The following NRXN1 variants were observed in gnomAD, a reference collection of about 807,000 sequenced individuals.
NRXN1 encodes neurexin-1.
A neutral mutation model predicts 150.9 loss-of-function variants in NRXN1; 39 were observed. The observed-to-expected ratio is 0.26, with a 90% CI of 0.20 to 0.34. The LOEUF is 0.34. NRXN1 is among the 10% of genes least tolerant of loss of function. The pLI, the probability that NRXN1 is intolerant of heterozygous loss-of-function variation, is 1.00. For missense variants in NRXN1, 1,815 were observed against 1,949.9 expected (o/e 0.93, Z 1.30); for synonymous variants, 924 against 757.0 (o/e 1.22, Z -3.62).
chr2:50,412,118 T>A (rs1269140537), intron 17 of NRXN1, among the ~76,000 whole-genome samples: 1 of 152,062 alleles, frequency 6.6e-6, no homozygotes, highest in Non-Finnish European at 1.5e-5. Context: ...GAAGGCAGCA[T>A]ACTCATTAAG....
intron 15 of NRXN1, among the ~76,000 whole-genome samples, chr2:50,475,941 G>C (rs1315646780): frequency 1.3e-5 from 2 of 151,910 alleles, no homozygotes; most frequent in Non-Finnish European, 2.9e-5. Context: ...TGTGAAGGAG[G>C]ATATACTTAA....
intron 18 of NRXN1, among the ~76,000 whole-genome samples, chr2:50,166,309 G>A (rs769640687): frequency 6.9e-6 from 1 of 144,322 alleles, no homozygotes; most frequent in African/African-American, 2.9e-5. Flanking sequence ...GTGTGTGTGT[G>A]TGTGTGTGTG....
chr2:50,189,734 C>T (rs1267841088), intron 18 of NRXN1, among the ~76,000 whole-genome samples: 2 of 152,008 alleles, frequency 1.3e-5, no homozygotes, highest in Non-Finnish European at 2.9e-5. Context: ...TCAAACTACA[C>T]CGAAGCTTAA....
At chr2:50,830,992 A>C (rs756630519) in intron 5 of NRXN1, among the ~76,000 whole-genome samples, 35 of 152,094 alleles carry the variant, frequency 2.3e-4, no homozygotes, top group Non-Finnish European at 3.8e-4. Context: ...TATGTTTATG[A>C]GGTACATGAA....
chr2:50,066,955 C>T (rs1464326216), intron 19 of NRXN1, among the ~76,000 whole-genome samples: 4 of 152,180 alleles, frequency 2.6e-5, no homozygotes, highest in African/African-American at 9.7e-5. Context: ...TGTAATGCTA[C>T]AGGAAGAGGG....
intron 21 of NRXN1, among the ~76,000 whole-genome samples, chr2:49,955,014 AAAT>A (rs1674675563): frequency 6.6e-6 from 1 of 152,190 alleles, no homozygotes; most frequent in Non-Finnish European, 1.5e-5. Flanking sequence ...ATGACTTGAA[AAAT>A]AATTGTTATG....
At chr2:50,394,098 A>G (rs2081911332) in intron 17 of NRXN1, among the ~76,000 whole-genome samples, 1 of 152,094 alleles carries the variant, frequency 6.6e-6, no homozygotes, top group Non-Finnish European at 1.5e-5. Flanking sequence ...ATTCTCTGCT[A>G]GATTCTGTTA....
intron 19 of NRXN1, among the ~76,000 whole-genome samples, chr2:50,065,819 C>T (rs1038165958): frequency 1.2e-4 from 18 of 152,136 alleles, no homozygotes; most frequent in African/African-American, 4.3e-4. Flanking sequence ...CGTTGAACCT[C>T]TCCAGAAACA....
chr2:50,483,307 A>G (rs1314067526), intron 15 of NRXN1, among the ~76,000 whole-genome samples: 1 of 152,150 alleles, frequency 6.6e-6, no homozygotes, highest in Non-Finnish European at 1.5e-5. Flanking sequence ...AAACTCATGA[A>G]TAATCCACCC....
Position 50,501,201 on chromosome 2 carries a change from C to T in NRXN1, c.2498-3487G>A, listed in dbSNP as rs138930549. Among the ~76,000 whole-genome samples, 284 of 152,022 alleles carry T rather than the reference C, an allele frequency of 1.9e-3. 1 individual carries two copies. Among genetic ancestry groups the T allele is most frequent in the African/African-American group, 6.3e-3 (263 of 41,462 alleles). ...AAGGGTGGATTCCAGGAAGGGGAGA[C>T]GGATGAAGGAAGGCTTTTGGATAAC... On this transcript the variant is annotated intron_variant, in intron 13 of 22. Transcript: ENST00000401669.
intron 17 of NRXN1, among the ~76,000 whole-genome samples, chr2:50,316,657 T>A (rs894454644): frequency 6.6e-6 from 1 of 152,080 alleles, no homozygotes; most frequent in Non-Finnish European, 1.5e-5. Flanking sequence ...TACAGTTAAG[T>A]ATAAATCTGC....
intron 21 of NRXN1, among the ~76,000 whole-genome samples, chr2:49,949,016 C>T (rs908589739): frequency 6.6e-6 from 1 of 151,970 alleles, no homozygotes; most frequent in African/African-American, 2.4e-5. Context: ...GCACTAAAAT[C>T]TAAGTCTCTA....
At chr2:50,369,478 C>T (rs2079847440) in intron 17 of NRXN1, among the ~76,000 whole-genome samples, 1 of 151,868 alleles carries the variant, frequency 6.6e-6, no homozygotes, top group South Asian at 2.1e-4. Flanking sequence ...TTAACAAATC[C>T]TATATTTCCA....
chr2:50,333,162 G>T (rs1199784436), intron 17 of NRXN1, among the ~76,000 whole-genome samples: 1 of 152,088 alleles, frequency 6.6e-6, no homozygotes, highest in African/African-American at 2.4e-5. Flanking sequence ...TTTGAGGATA[G>T]TCTACAAATA....
rs563661955 is a variant in NRXN1 at position 50,346,066 on chromosome 2, C to G, written c.3365-109096G>C. 6.6e-6 allele frequency among the ~76,000 whole-genome samples: 1 copy of G among 152,304 alleles called. No homozygotes were observed. The highest frequency in any genetic ancestry group is 1.9e-4 in the East Asian group (1 of 5,168). ...CCCTCCATGCCTGCGAAGGGCTGGC[C>G]CGCATTAAAGGGGATGACTCGGTTG... On this transcript the variant is annotated intron_variant, in intron 17 of 22. Coordinates refer to ENST00000401669, the MANE Select transcript of NRXN1 (RefSeq NM_001330078.2). This position sits in a 1 kb window ranked among gnomAD's most constrained non-coding sequence, Gnocchi z 5.0.
chr2:50,596,426 A>G (rs939325903), intron 8 of NRXN1, among the ~76,000 whole-genome samples: 4 of 152,140 alleles, frequency 2.6e-5, no homozygotes, highest in African/African-American at 9.7e-5. Flanking sequence ...CACCATTTCA[A>G]AATGCCAAAA....
chr2:50,725,972 T>C (rs1034608023), intron 5 of NRXN1, among the ~76,000 whole-genome samples: 1 of 152,192 alleles, frequency 6.6e-6, no homozygotes, highest in African/African-American at 2.4e-5. Flanking sequence ...TCTAGTTGCT[T>C]ATGATTTAAA....
At chr2:50,835,916 C>T (rs1323290402) in intron 5 of NRXN1, among the ~76,000 whole-genome samples, 5 of 152,074 alleles carry the variant, frequency 3.3e-5, no homozygotes, top group Non-Finnish European at 7.4e-5. Flanking sequence ...AAAATAATAA[C>T]AACCTATCAA....
chr2:50,670,151 G>A (rs114919159), intron 5 of NRXN1, among the ~76,000 whole-genome samples: 257 of 151,618 alleles, frequency 1.7e-3, no homozygotes, highest in African/African-American at 5.7e-3. Flanking sequence ...TGTATCTAAT[G>A]AATAAATACA....
Sources: allele counts gnomAD v4.1 joint callset (sites outside exome capture counted in the v4.1 genomes callset), GRCh38; gene constraint gnomAD v4.1.1; non-coding constraint Gnocchi (gnomAD v3.1); transcripts MANE v1.5; gene names NCBI Gene and HGNC (gene_info 2026-07-23, HGNC 2026-07-21).